Variants in CSNK1G3 observed in about 807,000 individuals in gnomAD.
CSNK1G3 encodes casein kinase 1 gamma 3, also known as casein kinase I isoform gamma-3.
In CSNK1G3, 23 loss-of-function variants were observed where a neutral mutation model predicts 64.3. The observed-to-expected ratio is 0.36, with a 90% CI of 0.26 to 0.51. The LOEUF (loss-of-function observed/expected upper bound fraction) is 0.51. Among genes scored for constraint, CSNK1G3 ranks in the 20% least tolerant of loss-of-function variants. CSNK1G3 has a pLI of 0.96. For synonymous variants in CSNK1G3, 158 were observed against 162.2 expected, an observed-to-expected ratio of 0.97 and a Z score of 0.20; for missense variants, 357 against 510.5, an observed-to-expected ratio of 0.70 and a Z score of 2.90.
intron 10 of CSNK1G3, among the ~76,000 whole-genome samples, chr5:123,594,365 G>A (rs1793010780): frequency 6.6e-6 from 1 of 152,018 alleles, no homozygotes; most frequent in African/African-American, 2.4e-5. Context: ...TCATAGACAT[G>A]GGTTCCTTAA....
At chr5:123,550,046 G>A (rs1381654972) in intron 2 of CSNK1G3, among the ~76,000 whole-genome samples, 2 of 152,190 alleles carry the variant, frequency 1.3e-5, no homozygotes, top group Middle Eastern at 3.4e-3. Flanking sequence ...AAATGAATAT[G>A]TAGATTTGGA....
intron 12 of CSNK1G3, among the ~76,000 whole-genome samples, chr5:123,610,160 A>G (rs1419902321): frequency 2.0e-5 from 3 of 152,046 alleles, no homozygotes; most frequent in African/African-American, 7.2e-5. Context: ...TTTGTAGATG[A>G]TCTTGTTCTC....
chr5:123,537,114 A>G (rs373468861), intron 1 of CSNK1G3, among the ~76,000 whole-genome samples: 4 of 152,172 alleles, frequency 2.6e-5, no homozygotes, highest in Non-Finnish European at 5.9e-5. Flanking sequence ...AGAAATCCAC[A>G]TGTCAAAAAG....
At chr5:123,589,830 A>C (rs1792012400) in intron 8 of CSNK1G3, among the ~76,000 whole-genome samples, 1 of 152,156 alleles carries the variant, frequency 6.6e-6, no homozygotes, top group Non-Finnish European at 1.5e-5. Flanking sequence ...AATTAAGAGA[A>C]GACTTACACT....
exon 1 of CSNK1G3, chr5:123,512,360 C>G (rs539422246): frequency 6.5e-6 from 1 of 152,674 alleles, no homozygotes; most frequent in South Asian, 2.1e-4. Flanking sequence ...AGTGCAGGGA[C>G]CGAATCCGAG....
intron 10 of CSNK1G3, among the ~76,000 whole-genome samples, chr5:123,596,943 C>G (rs1297470644): frequency 2.0e-5 from 3 of 152,086 alleles, no homozygotes; most frequent in Admixed American, 6.5e-5. Context: ...ATGTCCTATA[C>G]ACTTTCAAAA....
At chr5:123,583,063 C>T (rs1790607884) in intron 6 of CSNK1G3, among the ~76,000 whole-genome samples, 1 of 152,158 alleles carries the variant, frequency 6.6e-6, no homozygotes, top group Non-Finnish European at 1.5e-5. Context: ...GCGAGATCAC[C>T]TTATGACCGT....
At chr5:123,516,716 A>C (rs1277821742) in intron 1 of CSNK1G3, among the ~76,000 whole-genome samples, 1 of 152,230 alleles carries the variant, frequency 6.6e-6, no homozygotes, top group Non-Finnish European at 1.5e-5. Context: ...AAAATTTATG[A>C]GTAAGTTATG....
chr5:123,603,444 A>G (rs1219880285), intron 10 of CSNK1G3, among the ~76,000 whole-genome samples: 3 of 152,098 alleles, frequency 2.0e-5, no homozygotes, highest in African/African-American at 4.8e-5. Flanking sequence ...TTGAGTTCCT[A>G]TTCTCTGCGA....
At chr5:123,554,762 T>C (rs1350197272) in intron 3 of CSNK1G3, among the ~76,000 whole-genome samples, 3 of 152,196 alleles carry the variant, frequency 2.0e-5, no homozygotes, top group African/African-American at 7.2e-5. Context: ...GTGTTTACAG[T>C]CTGTGCTATT....
At chr5:123,519,332 C>T (rs900847942) in intron 1 of CSNK1G3, among the ~76,000 whole-genome samples, 8 of 152,228 alleles carry the variant, frequency 5.3e-5, no homozygotes, top group African/African-American at 1.7e-4. Context: ...GGATTACAGG[C>T]ATGAGCCACT....
At chr5:123,608,054 C>G (rs535470609) in intron 12 of CSNK1G3, among the ~76,000 whole-genome samples, 18 of 152,208 alleles carry the variant, frequency 1.2e-4, no homozygotes, top group African/African-American at 2.2e-4. Context: ...CCCAGCCCCC[C>G]CAGTAGGTGG....
At chr5:123,571,524 T>C (rs1339750879) in intron 4 of CSNK1G3, among the ~76,000 whole-genome samples, 1 of 152,164 alleles carries the variant, frequency 6.6e-6, no homozygotes, top group African/African-American at 2.4e-5. Context: ...ACTAATATTA[T>C]AATAGATAAG....
chr5:123,606,680 CTT>C (rs1032959133), intron 12 of CSNK1G3, among the ~76,000 whole-genome samples: 40 of 152,248 alleles, frequency 2.6e-4, no homozygotes, highest in African/African-American at 8.4e-4. Flanking sequence ...GCTTGTGCCT[CTT>C]TTATCTGTGT....
At chr5:123,555,402 G>A (rs1196004794) in intron 3 of CSNK1G3, among the ~76,000 whole-genome samples, 1 of 151,982 alleles carries the variant, frequency 6.6e-6, no homozygotes, top group Non-Finnish European at 1.5e-5. Flanking sequence ...ACATGATTTT[G>A]TTTAGACCTG....
exon 5 of CSNK1G3, chr5:123,573,393 A>G (rs1409905384): frequency 1.9e-6 from 3 of 1,613,478 alleles, no homozygotes; most frequent in Non-Finnish European, 2.5e-6. Flanking sequence ...TTTCCCCCAG[A>G]TGGTATACCT....
intron 2 of CSNK1G3, 58 bp downstream of exon 2, chr5:123,545,899 T>C: frequency 7.5e-7 from 1 of 1,335,104 alleles, no homozygotes; most frequent in Non-Finnish European, 1.1e-6. Context: ...TGGAAGATAC[T>C]TTTTAATGAA....
chr5:123,513,231 C>T (rs751566549), intron 1 of CSNK1G3, among the ~76,000 whole-genome samples: 15 of 152,138 alleles, frequency 9.9e-5, no homozygotes, highest in Non-Finnish European at 1.8e-4. Context: ...GTTTGTTTAT[C>T]CCACATGCAG....
rs201790224 is a variant in CSNK1G3 at position 123,556,427 on chromosome 5, C to G, written c.220-1068C>G. ...TACTGTTATCAAATCCATACTAAAT[C>G]TTCTCACTGGATTGTCCAGGTGTCT... On this transcript the variant is annotated intron_variant, in intron 3 of 12. Coordinates refer to ENST00000345990, the Ensembl canonical transcript of CSNK1G3. Among the ~76,000 whole-genome samples the G allele has an allele frequency of 3.3e-5, 5 of 152,020 alleles. No homozygotes were observed. In the East Asian group the frequency reaches 9.6e-4, roughly 29 times the overall value.
Sources: gnomAD v4.1 joint callset for allele counts (sites outside exome capture counted in the v4.1 genomes callset) on GRCh38, gnomAD v4.1.1 for gene constraint, MANE v1.5 for transcripts, NCBI Gene and HGNC (gene_info 2026-07-23, HGNC 2026-07-21) for gene names.